RAB31: variants seen among roughly 807,000 people sequenced by gnomAD.
RAB31 encodes RAB31, member RAS oncogene family.
Under a neutral mutation model 25.6 loss-of-function variants are expected in RAB31, and 21 were observed. The observed-to-expected ratio is 0.82, with a 90% CI of 0.58 to 1.18. The LOEUF (loss-of-function observed/expected upper bound fraction) is 1.18. RAB31 is among the 50% of genes most tolerant of loss of function. The probability of loss-of-function intolerance (pLI) is 0.00; values close to 1 mark genes in which losing one functional copy is unlikely to be tolerated. For synonymous variants in RAB31, 87 were observed against 84.0 expected, an observed-to-expected ratio of 1.04 and a Z score of -0.20; for missense variants, 196 against 250.1, an observed-to-expected ratio of 0.78 and a Z score of 1.46.
chr18:9,790,189 G>A (rs569551610), intron 2 of RAB31, among the ~76,000 whole-genome samples: 26 of 152,224 alleles, frequency 1.7e-4, no homozygotes, highest in Non-Finnish European at 2.2e-4. Context: ...CATATAGTGT[G>A]AATTTAAAAT....
At chr18:9,713,942 C>T (rs540386104) in intron 1 of RAB31, among the ~76,000 whole-genome samples, 2 of 152,290 alleles carry the variant, frequency 1.3e-5, no homozygotes, top group Non-Finnish European at 2.9e-5. Context: ...ACCCTCACAA[C>T]CTAAGCACCT....
At chr18:9,758,395 C>A (rs1488395390) in intron 1 of RAB31, among the ~76,000 whole-genome samples, 1 of 151,938 alleles carries the variant, frequency 6.6e-6, no homozygotes, top group Admixed American at 6.6e-5. Flanking sequence ...TGTCTGACCA[C>A]GCTGACTCAC....
chr18:9,839,980 G>A (rs2068724757), intron 5 of RAB31, among the ~76,000 whole-genome samples: 1 of 152,162 alleles, frequency 6.6e-6, no homozygotes, highest in Admixed American at 6.5e-5. Context: ...CTCCAGCTGG[G>A]TTCTGAATTC....
intron 1 of RAB31, among the ~76,000 whole-genome samples, chr18:9,716,933 T>TCTTTCTTTCTTTCTTTC (rs1555682999): frequency 2.3e-3 from 318 of 141,130 alleles, no homozygotes; most frequent in Middle Eastern, 3.7e-3. Context: ...TTTCTTTCTT[T>TCTTTCTTTCTTTCTTTC]TTTTTTTGGT....
At chr18:9,808,718 C>A (rs1026817245) in intron 3 of RAB31, among the ~76,000 whole-genome samples, 1 of 152,166 alleles carries the variant, frequency 6.6e-6, no homozygotes, top group East Asian at 1.9e-4. Context: ...GCGCCCAGGC[C>A]GAGCCTGAGC....
intron 5 of RAB31, among the ~76,000 whole-genome samples, chr18:9,832,224 C>T (rs933209855): frequency 2.0e-5 from 3 of 152,180 alleles, no homozygotes; most frequent in Admixed American, 6.5e-5. Flanking sequence ...CACCCCAGGC[C>T]GGTGGTGGCC....
intron 1 of RAB31, among the ~76,000 whole-genome samples, chr18:9,747,618 A>G (rs1220458115): frequency 6.6e-6 from 1 of 152,234 alleles, no homozygotes; most frequent in Non-Finnish European, 1.5e-5. Flanking sequence ...AAAAGGTCAC[A>G]TATTGTGTGA....
chr18:9,716,938 T>TTCTTTCTTTCTTTC (rs2068047815), intron 1 of RAB31, among the ~76,000 whole-genome samples: 1 of 110,752 alleles, frequency 9.0e-6, no homozygotes, highest in Non-Finnish European at 2.0e-5. Context: ...TTCTTTTTTT[T>TTCTTTCTTTCTTTC]TTGGTAGAGA....
chr18:9,720,056 T>A (rs1010914901), intron 1 of RAB31, among the ~76,000 whole-genome samples: 6 of 151,940 alleles, frequency 3.9e-5, no homozygotes, highest in African/African-American at 4.8e-5. Flanking sequence ...TTCCGCCTCC[T>A]GGGTTCAAGC....
chr18:9,725,159 A>G (rs2068091261), intron 1 of RAB31, among the ~76,000 whole-genome samples: 1 of 152,154 alleles, frequency 6.6e-6, no homozygotes, highest in Non-Finnish European at 1.5e-5. Flanking sequence ...GGTGGGTGCT[A>G]AAAGACTTCT....
intron 1 of RAB31, among the ~76,000 whole-genome samples, chr18:9,761,123 G>A (rs1291476409): frequency 3.9e-5 from 6 of 152,160 alleles, no homozygotes; most frequent in African/African-American, 1.4e-4. Flanking sequence ...CAGCTTTATC[G>A]CTATTGTTTA....
At chr18:9,797,298 C>G (rs1184913051) in intron 3 of RAB31, 1 of 152,186 alleles carries the variant, frequency 6.6e-6, no homozygotes, top group Non-Finnish European at 1.5e-5. Flanking sequence ...GAAATAGTTG[C>G]TTTTGCAGCT....
chr18:9,721,226 G>A (rs2068072126), intron 1 of RAB31, among the ~76,000 whole-genome samples: 1 of 152,168 alleles, frequency 6.6e-6, no homozygotes, highest in Non-Finnish European at 1.5e-5. Context: ...TATCTTCCAG[G>A]TCATCATCCT....
intron 1 of RAB31, among the ~76,000 whole-genome samples, chr18:9,732,732 G>A (rs2068129836): frequency 6.6e-6 from 1 of 152,222 alleles, no homozygotes; most frequent in Non-Finnish European, 1.5e-5. Context: ...GCTGAACTTT[G>A]CAGGGTGCCG....
intron 6 of RAB31, among the ~76,000 whole-genome samples, chr18:9,846,219 C>G (rs373577969): frequency 6.6e-6 from 1 of 152,198 alleles, no homozygotes; most frequent in East Asian, 1.9e-4. Context: ...AGGGTGACAG[C>G]CTCCTTCCTG....
intron 3 of RAB31, among the ~76,000 whole-genome samples, chr18:9,802,971 T>G (rs1457340146): frequency 6.6e-6 from 1 of 152,216 alleles, no homozygotes; most frequent in Non-Finnish European, 1.5e-5. Flanking sequence ...CCTTTGGAAG[T>G]TCTTGAAGAA....
rs1329430232 is a variant in RAB31 at position 9,708,901 on chromosome 18, A to G, written c.39+457A>G. ...TTTTGATAGTTTCCTTCCGGCAGAA[A>G]GTTTAAGTTGCTCAGCCAAGTCGCT... On this transcript the variant is annotated intron_variant, in intron 1 of 6. Transcript: ENST00000578921. This position sits in a 1 kb window ranked among gnomAD's most constrained non-coding sequence, Gnocchi z 6.4. 2.6e-5 allele frequency among the ~76,000 whole-genome samples: 4 copies of G among 152,234 alleles called. No individual in the cohort carries two copies. Among genetic ancestry groups the G allele is most frequent in the African/African-American group, 9.6e-5 (4 of 41,472 alleles).
chr18:9,729,933 G>T (rs74438656), intron 1 of RAB31, among the ~76,000 whole-genome samples: 4,687 of 152,206 alleles, frequency 0.031, 88 homozygotes, highest in Middle Eastern at 0.065. Flanking sequence ...TGCATAAAAA[G>T]AATAACATGG....
At chr18:9,726,852 C>T (rs1346384786) in intron 1 of RAB31, among the ~76,000 whole-genome samples, 3 of 152,068 alleles carry the variant, frequency 2.0e-5, no homozygotes, top group Non-Finnish European at 4.4e-5. Flanking sequence ...TATGTAAACA[C>T]CTGGGTCAAG....
Sources: gnomAD v4.1 joint callset for allele counts (sites outside exome capture counted in the v4.1 genomes callset) on GRCh38, gnomAD v4.1.1 for gene constraint, Gnocchi (gnomAD v3.1) non-coding constraint, MANE v1.5 for transcripts, NCBI Gene and HGNC (gene_info 2026-07-23, HGNC 2026-07-21) for gene names.